Variants in CAST observed in about 807,000 individuals in gnomAD.
CAST encodes the protein MIR583 host.
In CAST, 76 loss-of-function variants were observed where a neutral mutation model predicts 119.6. That is an observed-to-expected ratio of 0.64 (90% confidence interval 0.53 to 0.77). The LOEUF is 0.77. Among genes scored for constraint, CAST ranks in the 30% least tolerant of loss-of-function variants. The pLI is 0.00. For synonymous variants in CAST, 319 were observed against 331.6 expected, an observed-to-expected ratio of 0.96 and a Z score of 0.41; for missense variants, 953 against 946.5, an observed-to-expected ratio of 1.01 and a Z score of -0.09.
the CAST span, among the ~76,000 whole-genome samples, chr5:96,167,559 T>C: frequency 5.2e-4 from 79 of 152,326 alleles, no homozygotes; most frequent in Middle Eastern, 3.4e-3. Flanking sequence ...AGTTGGTGGC[T>C]GAGCTTGGTG....
chr5:96,326,695 ATTTTTTTT>A, the CAST span, among the ~76,000 whole-genome samples: 132 of 95,758 alleles, frequency 1.4e-3, 1 homozygote, highest in South Asian at 7.9e-3. Flanking sequence ...ATGGCTTTTC[ATTTTTTTT>A]TTTTTTTTTT....
chr5:96,515,447 T>C, the CAST span, among the ~76,000 whole-genome samples: 1 of 152,044 alleles, frequency 6.6e-6, no homozygotes, highest in Non-Finnish European at 1.5e-5. Context: ...GTGTGAGTGG[T>C]AAAGCAGAAA....
chr5:96,757,480 A>G lies in CAST; in HGVS notation c.1747A>G (p.Lys583Glu). 1 of 1,614,076 alleles carries G rather than the reference A, an allele frequency of 6.2e-7. No homozygotes were observed. Among genetic ancestry groups the G allele is most frequent in the Middle Eastern group, 1.6e-4 (1 of 6,062 alleles). ...AAAGCCACTCCTGCCAAAAGAGTCT[A>G]AGGAACAGCTTCCAGTAAGCAAACC... is the stretch of plus-strand genomic sequence containing the variant. ...DGKPLLPKES[K>E]EQLPPMSEDF... is the part of the protein sequence containing the mutation. The change falls in exon 23 of 32, where the codon AAG (lysine) becomes GAG (glutamate). Residue 583 changes from lysine (K) to glutamate (E), a missense_variant. Coordinates refer to ENST00000675179, the MANE Select transcript of CAST (RefSeq NM_001750.7).
Position 96,747,362 on chromosome 5 carries a change from A to G in CAST, c.1302A>G (p.Pro434=). The change falls in exon 18 of 32, where the codon CCA becomes CCG. Residue 434 remains proline (P), a synonymous_variant. Coordinates refer to ENST00000675179, the MANE Select transcript of CAST (RefSeq NM_001750.7). ...LKPATDKDGK[P]LLPEPEEKPK... The stretch of plus-strand genomic sequence containing the variant: ...ATTTACAGGATAAAGATGGAAAACC[A>G]CTATTGCCAGAGCCTGAAGAAAAAC... 1 of 1,599,630 alleles carries G rather than the reference A, an allele frequency of 6.3e-7. No individual in the cohort carries two copies. The highest frequency in any genetic ancestry group is 8.6e-7 in the Non-Finnish European group (1 of 1,167,770).
the CAST span, among the ~76,000 whole-genome samples, chr5:96,371,791 A>G: frequency 3.9e-5 from 6 of 152,226 alleles, no homozygotes; most frequent in Non-Finnish European, 5.9e-5. Flanking sequence ...CCAGATTTAC[A>G]GGCTGAAAAT....
the CAST span, among the ~76,000 whole-genome samples, chr5:96,375,823 G>A: frequency 1.1e-4 from 16 of 150,592 alleles, no homozygotes; most frequent in East Asian, 2.9e-3. Context: ...TAGCCTACTG[G>A]CCTATCCTTT....
chr5:96,423,709 C>A, the CAST span, among the ~76,000 whole-genome samples: 1 of 152,194 alleles, frequency 6.6e-6, no homozygotes, highest in Non-Finnish European at 1.5e-5. Context: ...TGCTCCTTCT[C>A]TTTGAACTAC....
the CAST span, among the ~76,000 whole-genome samples, chr5:96,068,006 G>A: frequency 6.6e-6 from 1 of 152,198 alleles, no homozygotes. Context: ...GCTGGGGAAA[G>A]GCAGTCAGAG....
the CAST span, among the ~76,000 whole-genome samples, chr5:96,352,759 G>A: frequency 1.3e-5 from 2 of 152,078 alleles, no homozygotes. Context: ...GGAGGGACCT[G>A]GTGGGAGGTG....
chr5:95,976,492 G>A, the CAST span, among the ~76,000 whole-genome samples: 1 of 151,978 alleles, frequency 6.6e-6, no homozygotes, highest in African/African-American at 2.4e-5. Context: ...GTATATAGCT[G>A]GCTTTTGAAA....
At chr5:96,619,618 G>A (rs185764733) in intron 1 of CAST, among the ~76,000 whole-genome samples, 53 of 152,246 alleles carry the variant, frequency 3.5e-4, no homozygotes, top group Admixed American at 2.0e-3. Flanking sequence ...GAGCTGTAAC[G>A]CTCACTGCGA....
chr5:96,557,049 A>G lies in CAST; in HGVS notation c.60+27169A>G, dbSNP rs1265596986. Reference sequence around the variant, plus strand: ...TACAAGCCAGAAGACAGTGGCAGCCAATACTCAACATTCTTAAAGAAAAGA... The same window carrying G: ...TACAAGCCAGAAGACAGTGGCAGCCGATACTCAACATTCTTAAAGAAAAGA... On this transcript the variant is annotated intron_variant, in intron 1 of 11. Coordinates refer to the CAST transcript ENST00000505143. Among the ~76,000 whole-genome samples, 4 of 152,134 alleles carry G rather than the reference A, an allele frequency of 2.6e-5. No homozygotes were observed. In the East Asian group the frequency reaches 7.7e-4, roughly 29 times the overall value.
chr5:96,381,927 A>G, the CAST span, among the ~76,000 whole-genome samples: 3 of 152,328 alleles, frequency 2.0e-5, no homozygotes, highest in East Asian at 1.9e-4. Flanking sequence ...ATAGAGTTAT[A>G]TGGCATTCTT....
chr5:96,732,856 T>C (rs939598061), intron 9 of CAST, among the ~76,000 whole-genome samples: 2 of 152,178 alleles, frequency 1.3e-5, no homozygotes, highest in South Asian at 2.1e-4. Context: ...GGAGAGCATG[T>C]AATCAATTTG....
the CAST span, among the ~76,000 whole-genome samples, chr5:96,295,293 C>T: frequency 2.0e-5 from 3 of 152,068 alleles, no homozygotes; most frequent in South Asian, 2.1e-4. Context: ...AGCTGATTTT[C>T]GAAGGAGACA....
chr5:96,080,684 T>A, the CAST span, among the ~76,000 whole-genome samples: 1 of 152,210 alleles, frequency 6.6e-6, no homozygotes, highest in Non-Finnish European at 1.5e-5. Flanking sequence ...TAGACAATTG[T>A]GGGAGATAAG....
chr5:96,353,959 CAT>C, the CAST span, among the ~76,000 whole-genome samples: 921 of 152,300 alleles, frequency 6.0e-3, 14 homozygotes, highest in African/African-American at 0.021. Flanking sequence ...ACCTGCTTTT[CAT>C]ATAGTCTTCC....
intron 1 of CAST, among the ~76,000 whole-genome samples, chr5:96,648,256 A>C (rs1296605552): frequency 6.6e-6 from 1 of 152,132 alleles, no homozygotes; most frequent in African/African-American, 2.4e-5. Flanking sequence ...CACTTTCAGA[A>C]CTTGTCTGCA....
intron 1 of CAST, chr5:96,663,174 G>A (rs1748813193): frequency 4.3e-6 from 3 of 702,728 alleles, no homozygotes; most frequent in South Asian, 3.0e-5. Flanking sequence ...ACGGTAAATA[G>A]GAGCGGTTGT....
Sources: allele counts gnomAD v4.1 joint callset (sites outside exome capture counted in the v4.1 genomes callset), GRCh38; gene constraint gnomAD v4.1.1; transcripts MANE v1.5; gene names NCBI Gene and HGNC (gene_info 2026-07-23, HGNC 2026-07-21).